The following TEC variants were observed in gnomAD, a reference collection of about 807,000 sequenced individuals.
TEC encodes tyrosine-protein kinase Tec.
TEC carries 72 observed loss-of-function variants against 93.0 expected under a neutral mutation model. The ratio of observed to expected loss-of-function variants is 0.77; its 90% confidence interval spans 0.64 to 0.94. TEC has a LOEUF of 0.94. TEC is among the 40% of genes least tolerant of loss of function. TEC has a pLI of 0.00. For missense variants in TEC, 630 were observed against 757.9 expected, an observed-to-expected ratio of 0.83 and a Z score of 1.98; for synonymous variants, 249 against 247.7, an observed-to-expected ratio of 1.01 and a Z score of -0.05.
At position 48,157,973 on chromosome 4, in the gene TEC, G is replaced by A. The variant is rs558047886; in HGVS notation, c.738-1239C>T. On this transcript the variant is annotated intron_variant, in intron 8 of 17. Coordinates refer to ENST00000381501, the MANE Select transcript of TEC (RefSeq NM_003215.3). ...TATAAGAACATAGACAATTTTCTTC[G>A]GTCTTTGGTTTTAAACTTATTTTGT... Among the ~76,000 whole-genome samples the A allele has an allele frequency of 4.6e-5, 7 of 152,068 alleles. No individual in the cohort carries two copies. In the South Asian group the frequency reaches 6.2e-4, roughly 14 times the overall value.
chr4:48,265,564 G>C (rs1215240120), intron 1 of TEC, among the ~76,000 whole-genome samples: 1 of 147,968 alleles, frequency 6.8e-6, no homozygotes, highest in Non-Finnish European at 1.5e-5. Context: ...CCAGGTTGGA[G>C]TACAGTGACT....
intron 2 of TEC, among the ~76,000 whole-genome samples, chr4:48,207,895 A>T (rs1411130077): frequency 6.6e-6 from 1 of 152,242 alleles, no homozygotes; most frequent in Non-Finnish European, 1.5e-5. Context: ...AGGATTTTTT[A>T]AAATGTATAA....
intron 8 of TEC, 35 bp downstream of exon 8, chr4:48,163,667 G>T: frequency 7.7e-7 from 1 of 1,295,606 alleles, no homozygotes; most frequent in Non-Finnish European, 1.1e-6. Context: ...AAAAGTTTCT[G>T]ATTTTCCACA....
chr4:48,153,591 T>G (rs969263230), intron 9 of TEC: 31 of 152,340 alleles, frequency 2.0e-4, no homozygotes, highest in African/African-American at 6.5e-4. Context: ...GAGTTATTTA[T>G]ATTCTACTGC....
intron 9 of TEC, among the ~76,000 whole-genome samples, chr4:48,153,015 A>G (rs1398484448): frequency 5.3e-5 from 8 of 152,224 alleles, no homozygotes; most frequent in African/African-American, 1.9e-4. Flanking sequence ...GTAGACTAGA[A>G]AAGTCACAGG....
intron 1 of TEC, among the ~76,000 whole-genome samples, chr4:48,264,463 T>A (rs1724581519): frequency 6.6e-6 from 1 of 152,172 alleles, no homozygotes; most frequent in Non-Finnish European, 1.5e-5. Context: ...AGTCTTCTTT[T>A]CCACTTACTG....
intron 2 of TEC, among the ~76,000 whole-genome samples, chr4:48,188,444 G>T (rs1721970740): frequency 6.6e-6 from 1 of 151,998 alleles, no homozygotes; most frequent in Admixed American, 6.6e-5. Context: ...GGTTTCTGAG[G>T]GTTTTTTCCT....
intron 2 of TEC, among the ~76,000 whole-genome samples, chr4:48,210,825 C>T (rs957365549): frequency 6.6e-6 from 1 of 152,104 alleles, no homozygotes; most frequent in African/African-American, 2.4e-5. Flanking sequence ...AACACAATGA[C>T]ACAATTACAC....
At position 48,266,377 on chromosome 4, in the gene TEC, C is replaced by CTT. The variant is rs563443946; in HGVS notation, c.-46+3374_-46+3375insAA. The stretch of plus-strand genomic sequence containing the variant: ...TGCCAATGTACCAAAGGCACCCAGT[C>CTT]TGGATTATAGCAAGCCAGTAGGCTC... On this transcript the variant is annotated intron_variant, in intron 1 of 17. Transcript: ENST00000381501. 3.5e-4 allele frequency among the ~76,000 whole-genome samples: 53 copies of CTT among 152,290 alleles called. 1 individual carries two copies. The South Asian group carries it at 0.01, about 29-fold the overall frequency.
intron 1 of TEC, among the ~76,000 whole-genome samples, chr4:48,260,114 G>T (rs1034565848): frequency 2.0e-5 from 3 of 152,176 alleles, no homozygotes; most frequent in African/African-American, 7.2e-5. Context: ...GACCTGTCAG[G>T]TTCTTCTAGT....
chr4:48,260,106 C>G (rs756682171), intron 1 of TEC, among the ~76,000 whole-genome samples: 1 of 152,214 alleles, frequency 6.6e-6, no homozygotes, highest in Non-Finnish European at 1.5e-5. Flanking sequence ...CTGCAAATGA[C>G]CTGTCAGGTT....
chr4:48,183,470 A>T (rs577450973), intron 2 of TEC, among the ~76,000 whole-genome samples: 3 of 152,366 alleles, frequency 2.0e-5, no homozygotes, highest in African/African-American at 7.2e-5. Context: ...CACCTCTGCC[A>T]TCGCAGATGG....
chr4:48,147,016 C>T (rs1336005540), intron 11 of TEC, among the ~76,000 whole-genome samples: 1 of 152,172 alleles, frequency 6.6e-6, no homozygotes, highest in Non-Finnish European at 1.5e-5. Flanking sequence ...TACACCTAGT[C>T]CACCACTGAA....
chr4:48,206,960 A>G (rs1282780608), intron 2 of TEC, among the ~76,000 whole-genome samples: 1 of 152,114 alleles, frequency 6.6e-6, no homozygotes, highest in Non-Finnish European at 1.5e-5. Flanking sequence ...CTAAGTCTCA[A>G]AAACAAAAAC....
At position 48,231,736 on chromosome 4, in the gene TEC, G is replaced by A. The variant is rs551371250; in HGVS notation, c.-45-3077C>T. Among the ~76,000 whole-genome samples, 510 of 152,020 alleles carry A rather than the reference G, an allele frequency of 3.4e-3. 3 individuals are homozygous for A. The highest frequency in any genetic ancestry group is 3.9e-3 in the South Asian group (19 of 4,812). On this transcript the variant is annotated intron_variant, in intron 1 of 17. Coordinates refer to ENST00000381501, the MANE Select transcript of TEC (RefSeq NM_003215.3). ...CGCACCACTGCACTCCAGCCTGGGC[G>A]ACAGAGCAAGACTCCGTCTGAAAAA...
At chr4:48,269,191 A>AT (rs924623989) in intron 1 of TEC, among the ~76,000 whole-genome samples, 39 of 150,708 alleles carry the variant, frequency 2.6e-4, no homozygotes, top group Admixed American at 8.6e-4. Flanking sequence ...ATACTGCCAA[A>AT]TTTTTTTTTT....
Position 48,260,149 on chromosome 4 carries a change from A to G in TEC, c.-46+9603T>C, listed in dbSNP as rs368314084. 3.9e-5 allele frequency among the ~76,000 whole-genome samples: 6 copies of G among 152,346 alleles called. No homozygotes were observed. In the East Asian group the frequency reaches 1.2e-3, roughly 29 times the overall value. ...TTTTATCTGACCTATAACTGGGTAC[A>G]TAACATGGCCTCAAGCATTCTGGCT... On this transcript the variant is annotated intron_variant, in intron 1 of 17. Coordinates refer to ENST00000381501, the MANE Select transcript of TEC (RefSeq NM_003215.3).
intron 8 of TEC, among the ~76,000 whole-genome samples, chr4:48,161,104 T>C (rs1720638525): frequency 6.6e-6 from 1 of 152,102 alleles, no homozygotes; most frequent in South Asian, 2.1e-4. Context: ...AAGAAGAGGT[T>C]TGAGGGCATT....
At chr4:48,226,659 T>C (rs536451776) in intron 2 of TEC, among the ~76,000 whole-genome samples, 72 of 152,344 alleles carry the variant, frequency 4.7e-4, no homozygotes, top group African/African-American at 1.7e-3. Context: ...CTACTGTTCA[T>C]GTCCTCAGTA....
Sources: allele counts gnomAD v4.1 joint callset (sites outside exome capture counted in the v4.1 genomes callset), GRCh38; gene constraint gnomAD v4.1.1; transcripts MANE v1.5; gene names NCBI Gene and HGNC (gene_info 2026-07-23, HGNC 2026-07-21).